AFG1L: variants seen among roughly 807,000 people sequenced by gnomAD.
AFG1L encodes AFG1 like ATPase.
Under a neutral mutation model 62.2 loss-of-function variants are expected in AFG1L, and 53 were observed. That is an observed-to-expected ratio of 0.85 (90% CI 0.68 to 1.07). The LOEUF (loss-of-function observed/expected upper bound fraction) is 1.07, where lower values mean the gene tolerates loss of function less well. Ranked by LOEUF, AFG1L falls within the 50% of genes least tolerant of loss-of-function variation. The pLI is 0.00. For synonymous variants in AFG1L, 228 were observed against 210.3 expected, an observed-to-expected ratio of 1.08 and a Z score of -0.73; for missense variants, 555 against 590.5, an observed-to-expected ratio of 0.94 and a Z score of 0.62.
Position 108,374,097 on chromosome 6 carries a change from A to AT in AFG1L, c.748+7774dup, listed in dbSNP as rs539643638. Among the ~76,000 whole-genome samples the AT allele has an allele frequency of 3.4e-3, 520 of 151,354 alleles. 5 individuals carry two copies. Among genetic ancestry groups the AT allele is most frequent in the African/African-American group, 0.012 (487 of 41,204 alleles). ...GTTTCTCTCGTGATTGGTGATGTGGATTTTTTTTTATATGTTTGTTGGCCA... is the reference window on the plus strand; with the variant it reads ...GTTTCTCTCGTGATTGGTGATGTGGATTTTTTTTTTATATGTTTGTTGGCCA... On this transcript the variant is annotated intron_variant, in intron 6 of 12. Coordinates refer to ENST00000368977, the MANE Select transcript of AFG1L (RefSeq NM_145315.5).
intron 7 of AFG1L, among the ~76,000 whole-genome samples, chr6:108,428,759 G>A (rs964805304): frequency 6.6e-6 from 1 of 152,058 alleles, no homozygotes; most frequent in Non-Finnish European, 1.5e-5. Context: ...CTTTTGAGAA[G>A]TGTCTATTCG....
intron 10 of AFG1L, among the ~76,000 whole-genome samples, chr6:108,491,417 G>T (rs993828736): frequency 6.6e-6 from 1 of 152,054 alleles, no homozygotes; most frequent in Non-Finnish European, 1.5e-5. Flanking sequence ...TCCTGCTGCC[G>T]ACATATGCTT....
intron 12 of AFG1L, chr6:108,521,532 G>C (rs1775124056): frequency 6.6e-6 from 1 of 152,144 alleles, no homozygotes; most frequent in African/African-American, 2.4e-5. Context: ...AATAAGCTCA[G>C]CAGACAGAGC....
intron 10 of AFG1L, among the ~76,000 whole-genome samples, chr6:108,488,632 C>T (rs1460238565): frequency 6.6e-6 from 1 of 151,336 alleles, no homozygotes; most frequent in Admixed American, 6.6e-5. Context: ...GTGGGCAGGG[C>T]AGATTGCCTG....
In AFG1L at chr6:108,510,199, C is replaced by T; in HGVS notation, c.1063-13C>T. 6.3e-7 allele frequency: 1 copy of T among 1,583,772 alleles called. No homozygotes were observed. The highest frequency in any genetic ancestry group is 8.6e-7 in the Non-Finnish European group (1 of 1,169,462). ...TTTATTTTTAAGTTTTCTTTTATTT[C>T]ATTTTATCATAGCCACTTGGAGCCA... On this transcript the variant is annotated splice_polypyrimidine_tract_variant and intron_variant, in intron 10 of 12. Transcript: ENST00000368977.
chr6:108,360,970 C>T (rs1779503213), intron 5 of AFG1L, among the ~76,000 whole-genome samples: 1 of 152,214 alleles, frequency 6.6e-6, no homozygotes. Context: ...GTTCTGAGAG[C>T]CCCCAGCTAA....
At chr6:108,390,662 T>C (rs1430021440) in intron 6 of AFG1L, among the ~76,000 whole-genome samples, 1 of 152,178 alleles carries the variant, frequency 6.6e-6, no homozygotes, top group African/African-American at 2.4e-5. Context: ...GGCATCAGCA[T>C]TGGAGGCTGC....
In AFG1L at chr6:108,469,519, G is replaced by A. The variant is rs115633021; in HGVS notation, c.891-7346G>A. Among the ~76,000 whole-genome samples, 889 of 152,250 alleles carry A rather than the reference G, an allele frequency of 5.8e-3. 9 individuals are homozygous for A. The highest frequency in any genetic ancestry group is 0.021 in the African/African-American group (859 of 41,524). On this transcript the variant is annotated intron_variant, in intron 8 of 12. Coordinates refer to ENST00000368977, the MANE Select transcript of AFG1L (RefSeq NM_145315.5). ...GTGAGTGATAAGAAGACAGTTGTGG[G>A]TAAAGAAAGACAAATGTATTAGAGA... is the stretch of plus-strand genomic sequence containing the variant.
chr6:108,409,534 G>A lies in AFG1L; in HGVS notation c.807+7480G>A, dbSNP rs753928013. 1.6e-3 allele frequency among the ~76,000 whole-genome samples: 241 copies of A among 152,260 alleles called. 7 individuals are homozygous for A. The highest frequency in any genetic ancestry group is 3.4e-3 in the Middle Eastern group (1 of 294). On this transcript the variant is annotated intron_variant, in intron 7 of 12. Coordinates refer to ENST00000368977, the MANE Select transcript of AFG1L (RefSeq NM_145315.5). Reference sequence around the variant, plus strand: ...TATTTTGGAGGAAGAACTACCTCAGGAAATGGGAGAATTTTTCAGGTAAAA... The same window carrying A: ...TATTTTGGAGGAAGAACTACCTCAGAAAATGGGAGAATTTTTCAGGTAAAA...
At chr6:108,416,869 G>T (rs1770319063) in intron 7 of AFG1L, among the ~76,000 whole-genome samples, 1 of 151,964 alleles carries the variant, frequency 6.6e-6, no homozygotes, top group African/African-American at 2.4e-5. Context: ...CACATGTATA[G>T]ATAGGTAACA....
chr6:108,326,503 T>C (rs148112638), intron 2 of AFG1L, among the ~76,000 whole-genome samples: 1 of 152,316 alleles, frequency 6.6e-6, no homozygotes, highest in East Asian at 1.9e-4. Context: ...CATCTTTAAG[T>C]TCTGGAGAAA....
chr6:108,359,627 A>T (rs1779444188), intron 5 of AFG1L: 1 of 152,298 alleles, frequency 6.6e-6, no homozygotes, highest in South Asian at 2.1e-4. Flanking sequence ...GCTGATCTAT[A>T]AGTAGCTAAT....
chr6:108,494,844 C>A (rs557981330), intron 10 of AFG1L, among the ~76,000 whole-genome samples: 83 of 151,274 alleles, frequency 5.5e-4, no homozygotes, highest in African/African-American at 2.0e-3. Flanking sequence ...CATCTCAGCT[C>A]ACTGCAACCT....
At chr6:108,497,032 GGT>G (rs1773997411) in intron 10 of AFG1L, among the ~76,000 whole-genome samples, 1 of 151,934 alleles carries the variant, frequency 6.6e-6, no homozygotes, top group African/African-American at 2.4e-5. Flanking sequence ...GTTGCTTTTT[GGT>G]GACATAGTTA....
chr6:108,507,482 AC>A (rs1774462416), intron 10 of AFG1L, among the ~76,000 whole-genome samples: 1 of 152,212 alleles, frequency 6.6e-6, no homozygotes, highest in Non-Finnish European at 1.5e-5. Context: ...TGCAGAACCT[AC>A]TGACAAAGGT....
intron 6 of AFG1L, among the ~76,000 whole-genome samples, chr6:108,386,330 G>T (rs961084569): frequency 2.0e-5 from 3 of 151,872 alleles, no homozygotes; most frequent in Non-Finnish European, 2.9e-5. Context: ...GCATGGTGGC[G>T]CATACCTGTA....
intron 7 of AFG1L, among the ~76,000 whole-genome samples, chr6:108,402,319 TG>T (rs1781659124): frequency 6.8e-6 from 1 of 146,342 alleles, no homozygotes; most frequent in African/African-American, 2.6e-5. Context: ...AAAAATTAGC[TG>T]GGTGTGGTGG....
At chr6:108,462,426 C>G (rs188919775) in intron 8 of AFG1L, among the ~76,000 whole-genome samples, 6 of 151,956 alleles carry the variant, frequency 3.9e-5, no homozygotes, top group African/African-American at 1.4e-4. Flanking sequence ...AAAAAAAACA[C>G]TCCCGAATCA....
chr6:108,504,006 C>A (rs1170226337), intron 10 of AFG1L, among the ~76,000 whole-genome samples: 1 of 152,266 alleles, frequency 6.6e-6, no homozygotes, highest in African/African-American at 2.4e-5. Flanking sequence ...GAGTCAGGGC[C>A]TTGCTCTGTG....
Sources: gnomAD v4.1 joint callset for allele counts (sites outside exome capture counted in the v4.1 genomes callset) on GRCh38, gnomAD v4.1.1 for gene constraint, MANE v1.5 for transcripts, NCBI Gene and HGNC (gene_info 2026-07-23, HGNC 2026-07-21) for gene names.